RCL1: variants seen among roughly 807,000 people sequenced by gnomAD.
The protein encoded by RCL1 is RNA 3'-terminal phosphate cyclase-like protein.
Under a neutral mutation model 42.4 loss-of-function variants are expected in RCL1, and 24 were observed. That is an observed-to-expected ratio of 0.57 (90% CI 0.41 to 0.80). The LOEUF (loss-of-function observed/expected upper bound fraction) is 0.80, where lower values mean the gene tolerates loss of function less well. Ranked by LOEUF, RCL1 falls within the 30% of genes least tolerant of loss-of-function variation. RCL1 has a pLI of 0.00. For synonymous variants in RCL1, 228 were observed against 177.3 expected (o/e 1.29, Z -2.27); for missense variants, 578 against 467.9 (o/e 1.24, Z -2.17).
intron 8 of RCL1, among the ~76,000 whole-genome samples, chr9:4,857,508 T>A (rs1341349932): frequency 1.3e-5 from 2 of 152,232 alleles, no homozygotes; most frequent in South Asian, 2.1e-4. Context: ...TATGCATTCA[T>A]CAGTTGGTAG....
intron 6 of RCL1, among the ~76,000 whole-genome samples, chr9:4,843,302 C>G (rs1383959935): frequency 6.6e-6 from 1 of 152,130 alleles, no homozygotes; most frequent in African/African-American, 2.4e-5. Flanking sequence ...GACAGCACTT[C>G]TTGGTGGCCT....
intron 1 of RCL1, among the ~76,000 whole-genome samples, chr9:4,801,632 T>C (rs1843001899): frequency 6.6e-6 from 1 of 152,154 alleles, no homozygotes; most frequent in Admixed American, 6.5e-5. Context: ...GTAGAATTTA[T>C]GATTTTTTTC....
intron 1 of RCL1, among the ~76,000 whole-genome samples, chr9:4,822,561 T>G (rs1816630082): frequency 6.6e-6 from 1 of 152,188 alleles, no homozygotes; most frequent in South Asian, 2.1e-4. Context: ...CTCACGACTG[T>G]AATCCCAGCA....
intron 1 of RCL1, among the ~76,000 whole-genome samples, chr9:4,796,462 CA>C (rs879378791): frequency 1.3e-5 from 2 of 152,162 alleles, no homozygotes; most frequent in Non-Finnish European, 2.9e-5. Context: ...GTGGTGTGAT[CA>C]TGGCTCACTG....
Position 4,793,174 on chromosome 9 carries a change from G to A in RCL1, c.83G>A (p.Arg28His). ...CTGGTCCTGTCTACCCTGAGCGGGC[G>A]CCCCGTCAAAATCCGAAAGATTCGG... ...QRLVLSTLSG[R>H]PVKIRKIRAR... The change falls in exon 1 of 9, where the codon CGC (arginine) becomes CAC (histidine). Residue 28 changes from arginine to histidine, a missense_variant. Coordinates refer to ENST00000381750, the MANE Select transcript of RCL1 (RefSeq NM_005772.5). 6.2e-7 allele frequency: 1 copy of A among 1,611,052 alleles called. No individual in the cohort carries two copies. The highest frequency in any genetic ancestry group is 1.1e-5 in the South Asian group (1 of 90,436).
intron 1 of RCL1, 152 bp from the exon 2 acceptor site, chr9:4,823,396 C>T: frequency 3.8e-6 from 2 of 525,676 alleles, no homozygotes. Context: ...AACCTGTGAA[C>T]CTACCCAGTC....
intron 3 of RCL1, chr9:4,827,257 G>A: frequency 2.7e-6 from 4 of 1,467,962 alleles, no homozygotes; most frequent in Non-Finnish European, 2.7e-6. Flanking sequence ...GGTGCCTTTT[G>A]TTGTTACCTA....
rs553060029 is a variant in RCL1, at chr9:4,849,379, T to C, written c.868-68T>C. 33 of 1,230,536 alleles carry C rather than the reference T, an allele frequency of 2.7e-5. No homozygotes were observed. In the African/African-American group the frequency reaches 4.2e-4, roughly 16 times the overall value. The allele number at this position is 1,230,536 out of a possible 1,614,324, so 76.2% of individuals were successfully genotyped here. On this transcript the variant is annotated intron_variant, in intron 7 of 8. Coordinates refer to ENST00000381750, the MANE Select transcript of RCL1 (RefSeq NM_005772.5). Reference sequence around the variant, plus strand: ...ATTATGAGTGTATGTTTCTGGTTTTTTTTTTCCTCCTCTCTTTTGTTGGCT... The same window carrying C: ...ATTATGAGTGTATGTTTCTGGTTTTCTTTTTCCTCCTCTCTTTTGTTGGCT...
At chr9:4,832,407 G>A (rs1816970038) in intron 3 of RCL1, among the ~76,000 whole-genome samples, 1 of 152,116 alleles carries the variant, frequency 6.6e-6, no homozygotes, top group Non-Finnish European at 1.5e-5. Context: ...AGTTAATTTG[G>A]TTTGCTTTGA....
At chr9:4,860,055 A>C in intron 8 of RCL1, 70 bp from the exon 9 acceptor site, 1 of 1,093,152 alleles carries the variant, frequency 9.1e-7, no homozygotes, top group Non-Finnish European at 1.3e-6. Flanking sequence ...CTTGGATTCT[A>C]GGTGGTAGAG....
At chr9:4,827,779 T>TGTGTGAGA (rs535050124) in intron 3 of RCL1, among the ~76,000 whole-genome samples, 1 of 149,414 alleles carries the variant, frequency 6.7e-6, no homozygotes, top group African/African-American at 2.5e-5. Flanking sequence ...TGTGTGTGTG[T>TGTGTGAGA]GAGAGAGAGA....
At chr9:4,849,627 GCTGCACAGAGC>G (rs1817651437) in intron 8 of RCL1, 77 bp downstream of exon 8, 1 of 1,050,972 alleles carries the variant, frequency 9.5e-7, no homozygotes, top group Non-Finnish European at 1.5e-6. Context: ...AGGGTGTTGT[GCTGCACAGAGC>G]CTGCACTATG....
chr9:4,829,494 C>T (rs1247574015), intron 3 of RCL1, among the ~76,000 whole-genome samples: 3 of 152,122 alleles, frequency 2.0e-5, no homozygotes, highest in Admixed American at 6.5e-5. Flanking sequence ...GTCTTGTTCC[C>T]TGGGATGTTG....
In RCL1 at chr9:4,849,533, C is replaced by A. The variant is rs771496802; in HGVS notation, c.954C>A (p.Gly318=). 2 of 1,609,968 alleles carry A rather than the reference C, an allele frequency of 1.2e-6. No individual in the cohort carries two copies. The highest frequency in any genetic ancestry group is 1.7e-6 in the Non-Finnish European group (2 of 1,176,544). The change falls in exon 8 of 9, where the codon GGC becomes GGA. Residue 318 remains glycine (G), a synonymous_variant. Transcript: ENST00000381750. The stretch of plus-strand genomic sequence containing the variant: ...AGGATGTTTCCAAAGTCCTGCTAGG[C>A]CCTCTCTCTCCCTACACGTAAGTTA... ...GQQDVSKVLL[G]PLSPYTIEFL... is the part of the protein sequence containing the mutation.
chr9:4,846,483 G>A (rs533514822), intron 7 of RCL1, among the ~76,000 whole-genome samples: 40 of 152,306 alleles, frequency 2.6e-4, no homozygotes, highest in Admixed American at 7.2e-4. Context: ...TGAAAAATGG[G>A]TAGTAACTAA....
intron 2 of RCL1, among the ~76,000 whole-genome samples, chr9:4,824,159 A>C (rs1380846452): frequency 6.6e-6 from 1 of 152,176 alleles, no homozygotes; most frequent in East Asian, 1.9e-4. Flanking sequence ...CAACTCTGTG[A>C]GGTAGTTTAT....
intron 8 of RCL1, among the ~76,000 whole-genome samples, chr9:4,856,405 C>T (rs1817964271): frequency 6.6e-6 from 1 of 152,144 alleles, no homozygotes; most frequent in African/African-American, 2.4e-5. Flanking sequence ...CTTTACAGTG[C>T]CTTGTTTGAA....
intron 1 of RCL1, among the ~76,000 whole-genome samples, chr9:4,818,602 G>A (rs913149809): frequency 6.6e-6 from 1 of 152,084 alleles, no homozygotes; most frequent in Non-Finnish European, 1.5e-5. Flanking sequence ...TTGAAATCCG[G>A]CCGGGCTAGG....
intron 4 of RCL1, 56 bp from the exon 5 acceptor site, chr9:4,834,085 A>G: frequency 6.3e-7 from 1 of 1,576,860 alleles, no homozygotes; most frequent in Non-Finnish European, 8.6e-7. Context: ...GCAGGGTGTC[A>G]GGGTAATCCA....
Sources: gnomAD v4.1 joint callset for allele counts (sites outside exome capture counted in the v4.1 genomes callset) on GRCh38, gnomAD v4.1.1 for gene constraint, MANE v1.5 for transcripts, NCBI Gene and HGNC (gene_info 2026-07-23, HGNC 2026-07-21) for gene names.